Variants in DOC2A observed in about 807,000 individuals in gnomAD.
DOC2A encodes double C2 domain alpha.
Under a neutral mutation model 40.6 loss-of-function variants are expected in DOC2A, and 28 were observed. The observed-to-expected ratio is 0.69, with a 90% CI of 0.51 to 0.95. The LOEUF (loss-of-function observed/expected upper bound fraction) is 0.95, where lower values mean the gene tolerates loss of function less well. DOC2A is among the 40% of genes least tolerant of loss of function. DOC2A has a pLI of 0.00. For missense variants in DOC2A, 474 were observed against 552.5 expected (o/e 0.86, Z 1.42); for synonymous variants, 241 against 236.9 (o/e 1.02, Z -0.16).
In DOC2A at chr16:30,010,011, G is replaced by C; in HGVS notation, c.212C>G (p.Thr71Ser). The change falls in exon 2 of 11, where the codon ACC becomes AGC. Residue 71 changes from threonine to serine, a missense_variant. By Grantham distance (58) the Thr-to-Ser change is moderately conservative. Transcript: ENST00000350119. This position sits in a 1 kb window ranked among gnomAD's most constrained non-coding sequence, Gnocchi z 4.2. ...CACCTCCGCACCATCCTCAGGCGTG[G>C]TGGCCCCAAGGAGGGCTGCAGGGGG... ...LAPPAALLGA[T>S]TPEDGAEVDS... 1 of 1,612,198 alleles carries C rather than the reference G, an allele frequency of 6.2e-7. No homozygotes were observed. Among genetic ancestry groups the C allele is most frequent in the East Asian group, 2.2e-5 (1 of 44,880 alleles).
chr16:30,011,071 C>T, upstream of DOC2A: 1 of 933,118 alleles, frequency 1.1e-6, no homozygotes, highest in Non-Finnish European at 1.3e-6. Flanking sequence ...ATGCAGCCGG[C>T]GCGGCGGCGG....
At chr16:30,007,798 C>G (rs1022417951) in intron 5 of DOC2A, 1 of 237,040 alleles carries the variant, frequency 4.2e-6, no homozygotes, top group African/African-American at 2.2e-5. Flanking sequence ...TCCGCAGTGA[C>G]CCACTACCAG....
rs767804083 is a variant in DOC2A, at chr16:30,006,327, G to A, written c.1062C>T (p.Gly354=). The stretch of plus-strand genomic sequence containing the variant: ...CTCGGGCACCTGGCCCCAGGGACAC[G>A]CCACCTGGGGAGCAGGTGGGCAGGG... The part of the protein sequence containing the change: ...DIGKSNDFIG[G]VSLGPGARGE... Residue 354 remains glycine (G), a synonymous_variant, in exon 11 of 11, where the codon GGC becomes GGT. Coordinates refer to ENST00000350119, the MANE Select transcript of DOC2A (RefSeq NM_003586.3). This position sits in a 1 kb window ranked among gnomAD's most constrained non-coding sequence, Gnocchi z 6.2. 1.2e-5 allele frequency: 20 copies of A among 1,611,754 alleles called. No homozygotes were observed. Among genetic ancestry groups the A allele is most frequent in the East Asian group, 4.5e-5 (2 of 44,832 alleles).
chr16:30,015,178 G>A (rs2070842880), upstream of DOC2A: 1 of 152,166 alleles, frequency 6.6e-6, no homozygotes, highest in South Asian at 2.1e-4. Flanking sequence ...GACCTCTGGG[G>A]AGACAGGGCA....
rs745974183 is a variant in DOC2A at position 30,006,403 on chromosome 16, C to T, written c.1057+10G>A. 7 of 1,613,760 alleles carry T rather than the reference C, an allele frequency of 4.3e-6. No individual in the cohort carries two copies. Among genetic ancestry groups the T allele is most frequent in the Non-Finnish European group, 5.9e-6 (7 of 1,179,936 alleles). ...CCGCCCTCAACACCCGCAGCCAGCT[C>T]CTCCCTCACCAATGAAGTCATTGGA... On this transcript the variant is annotated intron_variant, in intron 10 of 10. Transcript: ENST00000350119. This position sits in a 1 kb window ranked among gnomAD's most constrained non-coding sequence, Gnocchi z 6.2.
In DOC2A at chr16:30,009,255, T is replaced by C; in HGVS notation, c.364A>G (p.Asn122Asp). ...RAKGLKPMDF[N>D]GLADPYVKLH... ...TTGACGTAGGGGTCGGCGAGGCCAT[T>C]GAAATCCATGGGCTTGAGGCCCTGG... Residue 122 changes from asparagine to aspartate, a missense_variant, in exon 4 of 11, where the codon AAT (asparagine) becomes GAT (aspartate). Physicochemically the swap from Asn to Asp is conservative, Grantham distance 23. Transcript: ENST00000350119. The surrounding 1 kb of genome is among the most constrained non-coding windows in gnomAD (Gnocchi z 4.1). 6.4e-7 allele frequency: 1 copy of C among 1,563,820 alleles called. No homozygotes were observed. The highest frequency in any genetic ancestry group is 8.7e-7 in the Non-Finnish European group (1 of 1,153,340).
chr16:30,010,649 G>C lies in DOC2A; in HGVS notation c.-14+254C>G, dbSNP rs779544085. 1.1e-5 allele frequency: 3 copies of C among 270,086 alleles called. No homozygotes were observed. Among genetic ancestry groups the C allele is most frequent in the African/African-American group, 4.5e-5 (2 of 44,144 alleles). The allele number at this position is 270,086 out of a possible 1,614,324, so 16.7% of individuals were successfully genotyped here. A position where few individuals can be genotyped will look rare whatever the true frequency, so the allele number is the denominator to read the frequency against. On this transcript the variant is annotated intron_variant, in intron 1 of 10. Coordinates refer to ENST00000350119, the MANE Select transcript of DOC2A (RefSeq NM_003586.3). The surrounding 1 kb of genome is among the most constrained non-coding windows in gnomAD (Gnocchi z 4.2). ...CTGCACCAGGCGCTGGTCTAGTCAG[G>C]GTGTCACCCACCCCTCTAGGCTCCA...
chr16:30,017,661 GA>G (rs2070867440), intron 1 of DOC2A, among the ~76,000 whole-genome samples: 1 of 151,926 alleles, frequency 6.6e-6, no homozygotes, highest in Non-Finnish European at 1.5e-5. Flanking sequence ...GGAAAGAGTC[GA>G]AAAACTACCT....
At position 30,006,350 on chromosome 16, in the gene DOC2A, G is replaced by C. The variant is rs757306872; in HGVS notation, c.1058-19C>G. ...ACGCCACCTGGGGAGCAGGTGGGCA[G>C]GGTCAGGGCCACCTCCCTGCCACTT... is the stretch of plus-strand genomic sequence containing the variant. On this transcript the variant is annotated intron_variant, in intron 10 of 10. Transcript: ENST00000350119. The surrounding 1 kb of genome is among the most constrained non-coding windows in gnomAD (Gnocchi z 6.2). The C allele has an allele frequency of 1.9e-6, 3 of 1,612,524 alleles. No individual in the cohort carries two copies. The South Asian group carries it at 3.3e-5, about 18-fold the overall frequency.
upstream of DOC2A, among the ~76,000 whole-genome samples, chr16:30,015,701 C>CTTTTT (rs71276819): frequency 1.6e-5 from 2 of 122,990 alleles, no homozygotes; most frequent in Admixed American, 9.2e-5. Flanking sequence ...CTTCCTTTTT[C>CTTTTT]TTTTTTTTTT....
At position 30,005,552 on chromosome 16, in the gene DOC2A, C is replaced by G; in HGVS notation, c.*634G>C. On this transcript the variant is annotated 3_prime_UTR_variant, in exon 11 of 11. Coordinates refer to ENST00000350119, the MANE Select transcript of DOC2A (RefSeq NM_003586.3). ...TTTATTGATGCCCAGCTGCCATGCT[C>G]CGGCCACTGACACAACCAGAAAAGG... 1 of 1,056,276 alleles carries G rather than the reference C, an allele frequency of 9.5e-7. No individual in the cohort carries two copies. The highest frequency in any genetic ancestry group is 1.4e-6 in the Non-Finnish European group (1 of 715,774). The allele number at this position is 1,056,276 out of a possible 1,614,324, so 65.4% of individuals were successfully genotyped here.
chr16:30,006,247 T>A lies in DOC2A; in HGVS notation c.1142A>T (p.Glu381Val). 6.3e-7 allele frequency: 1 copy of A among 1,594,894 alleles called. No homozygotes were observed. Among genetic ancestry groups the A allele is most frequent in the East Asian group, 2.3e-5 (1 of 44,066 alleles). ...DCLQQPDAAL[E>V]RWHTLTSELP... The stretch of plus-strand genomic sequence containing the variant: ...CTCACTGGTCAGGGTGTGCCAGCGC[T>A]CCAGGGCTGCGTCCGGCTGCTGCAG... The change falls in exon 11 of 11, where the codon GAG becomes GTG. Residue 381 changes from glutamate to valine, a missense_variant. Transcript: ENST00000350119. This position sits in a 1 kb window ranked among gnomAD's most constrained non-coding sequence, Gnocchi z 6.2.
Position 30,006,964 on chromosome 16 carries a change from T to A in DOC2A, c.715-16A>T, listed in dbSNP as rs1439858369. The A allele has an allele frequency of 6.2e-7, 1 of 1,613,684 alleles. No individual in the cohort carries two copies. The highest frequency in any genetic ancestry group is 1.7e-5 in the Admixed American group (1 of 59,988). On this transcript the variant is annotated splice_polypyrimidine_tract_variant and intron_variant, in intron 7 of 10. Transcript: ENST00000350119. The surrounding 1 kb of genome is among the most constrained non-coding windows in gnomAD (Gnocchi z 6.2). Reference sequence around the variant, plus strand: ...CCTGCTCCAACTGCGGGGCACAGACTCAGGGTCAGCCTGGGCCCCTGCAGC... The same window carrying A: ...CCTGCTCCAACTGCGGGGCACAGACACAGGGTCAGCCTGGGCCCCTGCAGC...
Position 30,006,381 on chromosome 16 carries a change from C to T in DOC2A, c.1057+32G>A. 1 of 1,613,482 alleles carries T rather than the reference C, an allele frequency of 6.2e-7. No homozygotes were observed. Among genetic ancestry groups the T allele is most frequent in the East Asian group, 2.2e-5 (1 of 44,812 alleles). On this transcript the variant is annotated intron_variant, in intron 10 of 10. Transcript: ENST00000350119. This position sits in a 1 kb window ranked among gnomAD's most constrained non-coding sequence, Gnocchi z 6.2. ...GGGCCACCTCCCTGCCACTTGCCCG[C>T]CCTCAACACCCGCAGCCAGCTCCTC...
chr16:30,010,003 C>CA lies in DOC2A; in HGVS notation c.219dup (p.Glu74Ter). 6.2e-7 allele frequency: 1 copy of CA among 1,612,146 alleles called. No individual in the cohort carries two copies. The highest frequency in any genetic ancestry group is 8.5e-7 in the Non-Finnish European group (1 of 1,179,852). On this transcript the variant is annotated frameshift_variant, in exon 2 of 11. Coordinates refer to ENST00000350119, the MANE Select transcript of DOC2A (RefSeq NM_003586.3). LOFTEE classifies it high-confidence loss of function. This position sits in a 1 kb window ranked among gnomAD's most constrained non-coding sequence, Gnocchi z 4.2. ...TAGCTGTCCACCTCCGCACCATCCT[C>CA]AGGCGTGGTGGCCCCAAGGAGGGCT...
chr16:30,009,099 T>G lies in DOC2A; in HGVS notation c.424A>C (p.Lys142Gln), dbSNP rs781424313. The change falls in exon 5 of 11, where the codon AAG becomes CAG. Residue 142 changes from lysine to glutamine, a missense_variant. Physicochemically the swap from Lys to Gln is moderately conservative, Grantham distance 53. Transcript: ENST00000350119. The surrounding 1 kb of genome is among the most constrained non-coding windows in gnomAD (Gnocchi z 4.1). ...HLLPGACKAN[K>Q]LKTKTQRNTL... ...TTCCTCTGAGTCTTCGTTTTTAGCT[T>G]ATTGGCCTGGGATGTGGGGATGAAA... 1 of 1,613,824 alleles carries G rather than the reference T, an allele frequency of 6.2e-7. No homozygotes were observed.
intron 1 of DOC2A, among the ~76,000 whole-genome samples, chr16:30,019,119 A>G (rs1054382923): frequency 3.9e-5 from 6 of 152,078 alleles, no homozygotes; most frequent in African/African-American, 1.5e-4. Context: ...GGAGTTTGAG[A>G]CCAGCTTGGC....
chr16:30,010,178 C>CT lies in DOC2A; in HGVS notation c.44dup (p.His16AlafsTer19). ...CGGGGCACACGTTGATGGCCATGTG[C>CT]TCCTGGATGTTGATGGTCATGCGAT... On this transcript the variant is annotated frameshift_variant, in exon 2 of 11. Transcript: ENST00000350119. LOFTEE classifies it high-confidence loss of function. This position sits in a 1 kb window ranked among gnomAD's most constrained non-coding sequence, Gnocchi z 4.2. The CT allele has an allele frequency of 6.2e-7, 1 of 1,614,042 alleles. No individual in the cohort carries two copies. The highest frequency in any genetic ancestry group is 8.5e-7 in the Non-Finnish European group (1 of 1,179,964).
chr16:30,005,607 G>A lies in DOC2A; in HGVS notation c.*579C>T. ...AACATGCACGGGTGTCCCCCAGGAG[G>A]GTGGCAGGGGCCCTGCCTTCAAACC... On this transcript the variant is annotated 3_prime_UTR_variant, in exon 11 of 11. Transcript: ENST00000350119. 2 of 701,206 alleles carry A rather than the reference G, an allele frequency of 2.9e-6. No homozygotes were observed. Among genetic ancestry groups the A allele is most frequent in the Non-Finnish European group, 4.8e-6 (2 of 420,626 alleles). 43.4% of individuals were successfully genotyped at this position (701,206 alleles called of 1,614,324 possible). A position where few individuals can be genotyped will look rare whatever the true frequency, so the allele number is the denominator to read the frequency against.
Sources: allele counts gnomAD v4.1 joint callset (sites outside exome capture counted in the v4.1 genomes callset), GRCh38; gene constraint gnomAD v4.1.1; non-coding constraint Gnocchi (gnomAD v3.1); transcripts MANE v1.5; gene names NCBI Gene and HGNC (gene_info 2026-07-23, HGNC 2026-07-21).